PLCL2: variants seen among roughly 807,000 people sequenced by gnomAD.
PLCL2 encodes inactive phospholipase C-like protein 2.
In PLCL2, 4 loss-of-function variants were observed where a neutral mutation model predicts 79.6. That is an observed-to-expected ratio of 0.05 (90% CI 0.02 to 0.11). The LOEUF (loss-of-function observed/expected upper bound fraction) is 0.11. Among genes scored for constraint, PLCL2 ranks in the 10% least tolerant of loss-of-function variants. PLCL2 has a pLI of 1.00. For synonymous variants in PLCL2, 484 were observed against 457.7 expected (o/e 1.06, Z -0.73); for missense variants, 895 against 1,291.0 (o/e 0.69, Z 4.70).
At position 16,910,981 on chromosome 3, in the gene PLCL2, C is replaced by T. The variant is rs1320792060; in HGVS notation, c.327+25615C>T. On this transcript the variant is annotated intron_variant, in intron 1 of 5. Transcript: ENST00000615277. ...GTAGAATTTGTAATGGGGCCAGGCA[C>T]GGTGGCTCACCCTGTAATCCCAGCA... Among the ~76,000 whole-genome samples the T allele has an allele frequency of 2.6e-5, 4 of 152,082 alleles. No individual in the cohort carries two copies. In the East Asian group the frequency reaches 5.8e-4, roughly 22 times the overall value.
intron 1 of PLCL2, among the ~76,000 whole-genome samples, chr3:16,949,319 G>A (rs944346539): frequency 2.6e-5 from 4 of 152,148 alleles, no homozygotes; most frequent in African/African-American, 9.7e-5. Flanking sequence ...ACTTGCTAAT[G>A]TTTGATATTG....
intron 5 of PLCL2, among the ~76,000 whole-genome samples, chr3:17,082,124 C>G (rs2065167929): frequency 6.6e-6 from 1 of 150,504 alleles, no homozygotes; most frequent in Non-Finnish European, 1.5e-5. Flanking sequence ...AACAAACACC[C>G]CCACCTCTTT....
intron 1 of PLCL2, among the ~76,000 whole-genome samples, chr3:16,936,965 G>A (rs947686088): frequency 3.9e-5 from 6 of 152,034 alleles, no homozygotes; most frequent in African/African-American, 1.2e-4. Context: ...AATTTTTGGC[G>A]GGGTGAGCGG....
chr3:16,985,226 G>T (rs1250683988), intron 1 of PLCL2, among the ~76,000 whole-genome samples: 1 of 152,076 alleles, frequency 6.6e-6, no homozygotes, highest in African/African-American at 2.4e-5. Flanking sequence ...CACTCCGGGT[G>T]CCTATAGCTC....
Position 16,923,507 on chromosome 3 carries a change from C to CT in PLCL2, c.327+38145dup, listed in dbSNP as rs1697172604. Among the ~76,000 whole-genome samples the CT allele has an allele frequency of 4.6e-5, 7 of 152,318 alleles. No homozygotes were observed. The South Asian group carries it at 1.2e-3, about 27-fold the overall frequency. On this transcript the variant is annotated intron_variant, in intron 1 of 5. Transcript: ENST00000615277. Reference sequence around the variant, plus strand: ...AGCACAGCGCCCACCTCTCAATGGACTTTTATTGATAAGGAATTCTATTCT... The same window carrying CT: ...AGCACAGCGCCCACCTCTCAATGGACTTTTTATTGATAAGGAATTCTATTCT...
chr3:16,904,220 T>A (rs1477844098), intron 1 of PLCL2, among the ~76,000 whole-genome samples: 1 of 151,530 alleles, frequency 6.6e-6, no homozygotes, highest in Non-Finnish European at 1.5e-5. Context: ...GAAAAACATT[T>A]GATGCGTTGA....
At position 16,908,437 on chromosome 3, in the gene PLCL2, C is replaced by T. The variant is rs78323493; in HGVS notation, c.327+23071C>T. Among the ~76,000 whole-genome samples, 48 of 152,292 alleles carry T rather than the reference C, an allele frequency of 3.2e-4. No individual in the cohort carries two copies. The East Asian group carries it at 7.9e-3, about 25-fold the overall frequency. Reference sequence around the variant, plus strand: ...TTTAGGGTCCAGTTAAGATCCCATACGTTTCAATGGTTGACGTGTCTCTTT... The same window carrying T: ...TTTAGGGTCCAGTTAAGATCCCATATGTTTCAATGGTTGACGTGTCTCTTT... On this transcript the variant is annotated intron_variant, in intron 1 of 5. Transcript: ENST00000615277.
intron 5 of PLCL2, among the ~76,000 whole-genome samples, chr3:17,068,627 CT>C (rs946133452): frequency 6.6e-6 from 1 of 152,072 alleles, no homozygotes. Flanking sequence ...TAAAAATTAA[CT>C]TTTTATTTTT....
chr3:17,071,891 A>G (rs536090165), intron 5 of PLCL2, among the ~76,000 whole-genome samples: 2 of 151,998 alleles, frequency 1.3e-5, no homozygotes, highest in African/African-American at 2.4e-5. Flanking sequence ...CAGTGGCACA[A>G]TCTCGGCTCA....
chr3:17,000,121 T>C, intron 1 of PLCL2, among the ~76,000 whole-genome samples: 1 of 152,164 alleles, frequency 6.6e-6, no homozygotes, highest in East Asian at 1.9e-4. Context: ...GACTAACATC[T>C]AAGTTAGAGA....
chr3:17,085,302 A>T (rs557590674), intron 5 of PLCL2, among the ~76,000 whole-genome samples: 3 of 152,128 alleles, frequency 2.0e-5, no homozygotes, highest in Non-Finnish European at 4.4e-5. Flanking sequence ...TACCCAGCTA[A>T]TTTTTGTATT....
At chr3:17,051,852 T>C (rs2064842709) in intron 4 of PLCL2, among the ~76,000 whole-genome samples, 1 of 152,128 alleles carries the variant, frequency 6.6e-6, no homozygotes, top group Admixed American at 6.6e-5. Flanking sequence ...TTAATTTTCT[T>C]TTGATATTGG....
intron 3 of PLCL2, among the ~76,000 whole-genome samples, chr3:17,019,661 C>G (rs1190061163): frequency 6.6e-6 from 1 of 152,072 alleles, no homozygotes; most frequent in East Asian, 1.9e-4. Context: ...CTTCATTTTG[C>G]ATTTTCACAT....
chr3:16,892,148 T>G (rs1696366039), intron 1 of PLCL2, among the ~76,000 whole-genome samples: 1 of 152,256 alleles, frequency 6.6e-6, no homozygotes, highest in Non-Finnish European at 1.5e-5. Flanking sequence ...TATTTAGACT[T>G]AACTCCAACT....
intron 1 of PLCL2, among the ~76,000 whole-genome samples, chr3:16,993,252 A>G (rs1022346747): frequency 2.6e-5 from 4 of 152,160 alleles, no homozygotes; most frequent in East Asian, 1.9e-4. Context: ...ATTGATACCC[A>G]CATTCACTCT....
intron 1 of PLCL2, among the ~76,000 whole-genome samples, chr3:16,937,768 C>G (rs1444423402): frequency 6.6e-6 from 1 of 152,206 alleles, no homozygotes; most frequent in Non-Finnish European, 1.5e-5. Flanking sequence ...ATTTCCCCCT[C>G]CCTGTTGCCG....
intron 1 of PLCL2, among the ~76,000 whole-genome samples, chr3:16,921,203 T>A (rs1178624380): frequency 6.6e-6 from 1 of 152,204 alleles, no homozygotes. Flanking sequence ...GATATTTTAG[T>A]CATATATTTT....
intron 4 of PLCL2, among the ~76,000 whole-genome samples, chr3:17,054,067 TTTCTC>T (rs1292439624): frequency 1.3e-5 from 2 of 152,168 alleles, no homozygotes; most frequent in Non-Finnish European, 2.9e-5. Context: ...TTTCAGGTCA[TTTCTC>T]TTCCTGTGCA....
intron 1 of PLCL2, among the ~76,000 whole-genome samples, chr3:16,949,921 T>C (rs930762030): frequency 6.6e-6 from 1 of 152,214 alleles, no homozygotes; most frequent in Non-Finnish European, 1.5e-5. Flanking sequence ...TTCCCATCAT[T>C]TGGAATGCCA....
Sources: gnomAD v4.1 joint callset for allele counts (sites outside exome capture counted in the v4.1 genomes callset) on GRCh38, gnomAD v4.1.1 for gene constraint, MANE v1.5 for transcripts, NCBI Gene and HGNC (gene_info 2026-07-23, HGNC 2026-07-21) for gene names.